The following GADL1 variants were observed in gnomAD, a reference collection of about 807,000 sequenced individuals.
The protein encoded by GADL1 is acidic amino acid decarboxylase GADL1.
In GADL1, 71 loss-of-function variants were observed where a neutral mutation model predicts 69.5. The ratio of observed to expected loss-of-function variants is 1.02; its 90% CI spans 0.84 to 1.25. The LOEUF (loss-of-function observed/expected upper bound fraction) is 1.25. Ranked by LOEUF, GADL1 falls within the 50% of genes most tolerant of loss-of-function variation. GADL1 has a pLI of 0.00. For missense variants in GADL1, 737 were observed against 631.8 expected, an observed-to-expected ratio of 1.17 and a Z score of -1.79; for synonymous variants, 254 against 214.4, an observed-to-expected ratio of 1.18 and a Z score of -1.62.
chr3:30,776,958 A>G (rs1696554923), intron 14 of GADL1, among the ~76,000 whole-genome samples: 1 of 152,184 alleles, frequency 6.6e-6, no homozygotes, highest in African/African-American at 2.4e-5. Flanking sequence ...GCTTATTGTT[A>G]AAAACTCAGC....
chr3:30,827,510 C>T (rs1302838946), intron 11 of GADL1, among the ~76,000 whole-genome samples: 10 of 151,840 alleles, frequency 6.6e-5, no homozygotes, highest in Admixed American at 5.9e-4. Context: ...GTAATACCAA[C>T]AAATCCTAAA....
intron 14 of GADL1, among the ~76,000 whole-genome samples, chr3:30,734,776 A>G (rs542329174): frequency 1.3e-5 from 2 of 152,282 alleles, no homozygotes; most frequent in Admixed American, 1.3e-4. Context: ...GAGACATCTT[A>G]CATACCAGAC....
chr3:30,752,661 C>G (rs982462587), intron 14 of GADL1, among the ~76,000 whole-genome samples: 15 of 152,286 alleles, frequency 9.8e-5, no homozygotes, highest in Non-Finnish European at 1.9e-4. Flanking sequence ...GAGCATACTT[C>G]ATAGCACTGT....
chr3:30,850,252 T>G, intron 5 of GADL1, 141 bp from the exon 6 acceptor site: 1 of 640,186 alleles, frequency 1.6e-6, no homozygotes, highest in Non-Finnish European at 2.8e-6. Flanking sequence ...AACACCGACC[T>G]CCCTGCTCCC....
intron 11 of GADL1, among the ~76,000 whole-genome samples, chr3:30,816,009 C>T (rs1003509367): frequency 6.6e-6 from 1 of 152,092 alleles, no homozygotes; most frequent in Non-Finnish European, 1.5e-5. Flanking sequence ...TAGTCCCTAC[C>T]TCATGGGATT....
At chr3:30,889,509 A>G (rs1698757945) in intron 1 of GADL1, among the ~76,000 whole-genome samples, 1 of 152,244 alleles carries the variant, frequency 6.6e-6, no homozygotes, top group Non-Finnish European at 1.5e-5. Flanking sequence ...ATAACAAAGC[A>G]AAAGCCAAAA....
chr3:30,858,713 C>G (rs1698268970), intron 2 of GADL1, among the ~76,000 whole-genome samples: 1 of 151,932 alleles, frequency 6.6e-6, no homozygotes, highest in African/African-American at 2.4e-5. Context: ...AGCTGTATAG[C>G]AGTTGATCTG....
chr3:30,780,161 C>A (rs1168813120), intron 13 of GADL1, among the ~76,000 whole-genome samples: 1 of 152,182 alleles, frequency 6.6e-6, no homozygotes, highest in Non-Finnish European at 1.5e-5. Context: ...CAGCTAGGCA[C>A]CTTGCCTTGG....
Position 30,857,152 on chromosome 3 carries a change from A to C in GADL1, c.211-11T>G, listed in dbSNP as rs1325978749. 2 of 1,549,432 alleles carry C rather than the reference A, an allele frequency of 1.3e-6. No individual in the cohort carries two copies. Among genetic ancestry groups the C allele is most frequent in the South Asian group, 2.4e-5 (2 of 83,922 alleles). On this transcript the variant is annotated splice_polypyrimidine_tract_variant and intron_variant, in intron 2 of 14. Transcript: ENST00000282538. ...CCTCCATTCACACACCTGGAGATTC[A>C]ACCACAACACAAATTGAGTATCCAC...
At chr3:30,778,140 C>T (rs1214349217) in intron 14 of GADL1, 39 bp downstream of exon 14, 2 of 1,151,160 alleles carry the variant, frequency 1.7e-6, no homozygotes, top group Non-Finnish European at 2.6e-6. Context: ...ACTGAATCTA[C>T]TTCATCAAAA....
intron 9 of GADL1, among the ~76,000 whole-genome samples, chr3:30,835,753 G>A: frequency 6.6e-6 from 1 of 152,034 alleles, no homozygotes; most frequent in East Asian, 1.9e-4. Flanking sequence ...GGTCCCCAGA[G>A]GCCTGCGAGC....
chr3:30,853,756 T>C (rs958530961), intron 4 of GADL1, among the ~76,000 whole-genome samples: 3 of 152,120 alleles, frequency 2.0e-5, no homozygotes, highest in Non-Finnish European at 4.4e-5. Context: ...TTCTGTTTTA[T>C]TTTTTGAACT....
intron 11 of GADL1, among the ~76,000 whole-genome samples, chr3:30,807,731 A>T (rs1697279084): frequency 6.6e-6 from 1 of 152,160 alleles, no homozygotes; most frequent in Admixed American, 6.5e-5. Flanking sequence ...TAAGCAGAGG[A>T]CAATAGTGAA....
At chr3:30,795,829 G>GT (rs1697020864) in intron 12 of GADL1, among the ~76,000 whole-genome samples, 1 of 152,138 alleles carries the variant, frequency 6.6e-6, no homozygotes, top group Non-Finnish European at 1.5e-5. Flanking sequence ...GGAATAGACT[G>GT]TTGGATATCA....
At chr3:30,835,495 CAAGA>C (rs1697859675) in intron 9 of GADL1, among the ~76,000 whole-genome samples, 1 of 152,022 alleles carries the variant, frequency 6.6e-6, no homozygotes, top group Non-Finnish European at 1.5e-5. Flanking sequence ...TAGCCAATAA[CAAGA>C]AAGTACAGCA....
In GADL1 at chr3:30,773,043, A is replaced by G. The variant is rs543543366; in HGVS notation, c.1392+5136T>C. ...GAGGGGAGAGATAGGGAGGAATGAC[A>G]TATTGGACACAATACCTGGGAACAC... On this transcript the variant is annotated intron_variant, in intron 14 of 14. Transcript: ENST00000282538. Among the ~76,000 whole-genome samples the G allele has an allele frequency of 3.3e-4, 50 of 152,304 alleles. 1 individual carries two copies. Among genetic ancestry groups the G allele is most frequent in the African/African-American group, 1.2e-3 (48 of 41,558 alleles).
At chr3:30,862,482 C>CT (rs1559363930) in intron 1 of GADL1, among the ~76,000 whole-genome samples, 1 of 151,992 alleles carries the variant, frequency 6.6e-6, no homozygotes, top group African/African-American at 2.4e-5. Context: ...AGGTAGCAAG[C>CT]TTTTAGCTTC....
intron 3 of GADL1, 148 bp downstream of exon 3, chr3:30,856,867 A>T (rs1698237009): frequency 1.6e-6 from 1 of 626,936 alleles, no homozygotes; most frequent in Non-Finnish European, 2.7e-6. Context: ...TTAGGGATTA[A>T]AGGGACCATT....
At chr3:30,776,478 A>T (rs1208192013) in intron 14 of GADL1, among the ~76,000 whole-genome samples, 1 of 152,216 alleles carries the variant, frequency 6.6e-6, no homozygotes, top group Non-Finnish European at 1.5e-5. Flanking sequence ...TGACAAATAC[A>T]AGACAAATCC....
Sources: allele counts gnomAD v4.1 joint callset (sites outside exome capture counted in the v4.1 genomes callset), GRCh38; gene constraint gnomAD v4.1.1; transcripts MANE v1.5; gene names NCBI Gene and HGNC (gene_info 2026-07-23, HGNC 2026-07-21).